Variants in DLGAP1 observed in about 807,000 individuals in gnomAD.
DLGAP1 encodes disks large-associated protein 1.
Under a neutral mutation model 90.8 loss-of-function variants are expected in DLGAP1, and 11 were observed. The observed-to-expected ratio is 0.12, with a 90% CI of 0.08 to 0.20. DLGAP1 has a LOEUF of 0.20. DLGAP1 is among the 10% of genes least tolerant of loss of function. The pLI, the probability that DLGAP1 is intolerant of heterozygous loss-of-function variation, is 1.00. For synonymous variants in DLGAP1, 558 were observed against 540.7 expected (o/e 1.03, Z -0.44); for missense variants, 1,050 against 1,333.8 (o/e 0.79, Z 3.31).
intron 7 of DLGAP1, among the ~76,000 whole-genome samples, chr18:3,682,135 A>AAAAAAT (rs1567956197): frequency 6.1e-5 from 9 of 147,784 alleles, no homozygotes; most frequent in South Asian, 2.2e-4. Flanking sequence ...AAAAAATAAA[A>AAAAAAT]AAAAATAAAA....
intron 3 of DLGAP1, among the ~76,000 whole-genome samples, chr18:3,976,535 T>C (rs1481388898): frequency 6.6e-6 from 1 of 152,210 alleles, no homozygotes; most frequent in African/African-American, 2.4e-5. Context: ...CATATTTTTA[T>C]ATAGTATTAA....
At chr18:3,770,307 G>C (rs2064469038) in intron 5 of DLGAP1, among the ~76,000 whole-genome samples, 1 of 152,084 alleles carries the variant, frequency 6.6e-6, no homozygotes, top group Non-Finnish European at 1.5e-5. Context: ...GGAGGTGGTG[G>C]AATTTTCCTC....
intron 1 of DLGAP1, among the ~76,000 whole-genome samples, chr18:4,417,213 G>A (rs531738832): frequency 9.2e-5 from 14 of 152,254 alleles, no homozygotes; most frequent in Non-Finnish European, 1.9e-4. Context: ...ATCCAGCTGT[G>A]TGGTCTCTGA....
At position 3,496,362 on chromosome 18, in the gene DLGAP1, A is replaced by G. The variant is rs935691746; in HGVS notation, c.*2823T>C. The stretch of plus-strand genomic sequence containing the variant: ...AAGGCTTAAATGAAAGTGGTAATGC[A>G]CAGTAAAACATTAAGGAAACATCTA... On this transcript the variant is annotated 3_prime_UTR_variant, in exon 13 of 13. Coordinates refer to ENST00000315677, the MANE Select transcript of DLGAP1 (RefSeq NM_004746.4). 2.6e-5 allele frequency: 4 copies of G among 152,214 alleles called. No individual in the cohort carries two copies. Among genetic ancestry groups the G allele is most frequent in the Non-Finnish European group, 4.4e-5 (3 of 68,028 alleles). 9.4% of individuals were successfully genotyped at this position (152,214 alleles called of 1,614,324 possible).
chr18:3,708,232 C>CT (rs1287426834), intron 7 of DLGAP1: 1 of 357,758 alleles, frequency 2.8e-6, no homozygotes, highest in Non-Finnish European at 5.5e-6. Context: ...GTCTTGAATG[C>CT]TTGACTTCAA....
chr18:3,753,224 G>C (rs1247430124), intron 5 of DLGAP1, among the ~76,000 whole-genome samples: 1 of 152,108 alleles, frequency 6.6e-6, no homozygotes, highest in African/African-American at 2.4e-5. Context: ...AAAACAATGG[G>C]GTCTTTGGAG....
At chr18:4,041,333 A>G (rs2074971727) in intron 2 of DLGAP1, among the ~76,000 whole-genome samples, 1 of 152,204 alleles carries the variant, frequency 6.6e-6, no homozygotes, top group African/African-American at 2.4e-5. Flanking sequence ...ACTATTCATA[A>G]ATGAGGAATA....
At chr18:4,330,369 C>T (rs1331338612) in intron 1 of DLGAP1, among the ~76,000 whole-genome samples, 1 of 151,518 alleles carries the variant, frequency 6.6e-6, no homozygotes, top group East Asian at 1.9e-4. Flanking sequence ...TAATTACGTC[C>T]TTGACTTATA....
chr18:4,057,004 TACAC>T (rs55887550), intron 2 of DLGAP1, among the ~76,000 whole-genome samples: 11,178 of 114,576 alleles, frequency 0.098, 468 homozygotes, highest in Non-Finnish European at 0.13. Flanking sequence ...TGACCATACA[TACAC>T]ACACACACAC....
chr18:4,105,812 T>C (rs575316237), intron 2 of DLGAP1, among the ~76,000 whole-genome samples: 34 of 151,682 alleles, frequency 2.2e-4, no homozygotes, highest in South Asian at 8.3e-4. Flanking sequence ...GGGCGGATCA[T>C]GAGGTCAGGA....
chr18:4,433,158 G>A (rs1445218679), intron 1 of DLGAP1, among the ~76,000 whole-genome samples: 1 of 152,174 alleles, frequency 6.6e-6, no homozygotes, highest in Non-Finnish European at 1.5e-5. Flanking sequence ...ATATGGGACT[G>A]AATACTAGAA....
chr18:4,375,026 A>C (rs1267398654), intron 1 of DLGAP1, among the ~76,000 whole-genome samples: 1 of 152,172 alleles, frequency 6.6e-6, no homozygotes, highest in Non-Finnish European at 1.5e-5. Context: ...CAAACAAATA[A>C]TTAATGCATA....
At chr18:4,020,812 A>G (rs994714100) in intron 2 of DLGAP1, among the ~76,000 whole-genome samples, 1 of 152,216 alleles carries the variant, frequency 6.6e-6, no homozygotes, top group Non-Finnish European at 1.5e-5. Flanking sequence ...TAGGAGCCAT[A>G]CGGCCTCTGG....
intron 1 of DLGAP1, among the ~76,000 whole-genome samples, chr18:4,442,637 C>A (rs2083563641): frequency 1.3e-5 from 2 of 152,100 alleles, no homozygotes; most frequent in African/African-American, 4.8e-5. Context: ...TAGCTTCACA[C>A]CTCTTTTCAA....
At chr18:4,237,290 T>C (rs922676925) in intron 1 of DLGAP1, among the ~76,000 whole-genome samples, 1 of 152,220 alleles carries the variant, frequency 6.6e-6, no homozygotes, top group African/African-American at 2.4e-5. Flanking sequence ...TAATATTCAT[T>C]CCCTTTCTCA....
chr18:3,617,516 G>C (rs148583622), intron 7 of DLGAP1, among the ~76,000 whole-genome samples: 1 of 150,820 alleles, frequency 6.6e-6, no homozygotes, highest in African/African-American at 2.4e-5. Flanking sequence ...AGAAGAATCC[G>C]GGAGGTGGAG....
chr18:3,780,329 C>T (rs542039887), intron 5 of DLGAP1, among the ~76,000 whole-genome samples: 9 of 152,264 alleles, frequency 5.9e-5, no homozygotes, highest in African/African-American at 2.2e-4. Flanking sequence ...ATGTTACATT[C>T]CTGGAGGTCA....
At chr18:4,194,173 G>A (rs2077451714) in intron 1 of DLGAP1, among the ~76,000 whole-genome samples, 2 of 152,074 alleles carry the variant, frequency 1.3e-5, no homozygotes, top group Non-Finnish European at 2.9e-5. Context: ...TTCCGCACCA[G>A]TAGACCACAG....
At chr18:4,216,002 C>T (rs1230384626) in intron 1 of DLGAP1, among the ~76,000 whole-genome samples, 1 of 152,116 alleles carries the variant, frequency 6.6e-6, no homozygotes, top group Non-Finnish European at 1.5e-5. Flanking sequence ...AATTCACTGT[C>T]TCCTAAATGT....
Sources: allele counts gnomAD v4.1 joint callset (sites outside exome capture counted in the v4.1 genomes callset), GRCh38; gene constraint gnomAD v4.1.1; transcripts MANE v1.5; gene names NCBI Gene and HGNC (gene_info 2026-07-23, HGNC 2026-07-21).